DENND1B: variants seen among roughly 807,000 people sequenced by gnomAD.
DENND1B encodes DENN domain-containing protein 1B.
DENND1B carries 59 observed loss-of-function variants against 90.1 expected under a neutral mutation model. The observed-to-expected ratio is 0.65, with a 90% confidence interval of 0.53 to 0.81. The LOEUF is 0.81. Among genes scored for constraint, DENND1B ranks in the 40% least tolerant of loss-of-function variants. DENND1B has a pLI of 0.00. For missense variants in DENND1B, 862 were observed against 912.6 expected, an observed-to-expected ratio of 0.94 and a Z score of 0.71; for synonymous variants, 337 against 324.6, an observed-to-expected ratio of 1.04 and a Z score of -0.41.
intron 10 of DENND1B, among the ~76,000 whole-genome samples, chr1:197,630,323 T>A (rs1679214609): frequency 6.6e-6 from 1 of 152,084 alleles, no homozygotes; most frequent in South Asian, 2.1e-4. Context: ...GCAGATTCAG[T>A]GCCTGGTAAA....
rs7523384 is a variant in DENND1B, at chr1:197,642,795, G to A, written c.588C>T (p.Ala196=). The change falls in exon 10 of 23, where the codon GCC becomes GCT. Residue 196 remains alanine (A), a synonymous_variant. Transcript: ENST00000620048. The stretch of plus-strand genomic sequence containing the variant: ...GCTGCAGCATGTTGTTCACATCCAC[G>A]GCAACAAAATATTCTGTAAGATTTC... ...ESRNLTEYFV[A]VDVNNMLQLY... is the part of the protein sequence containing the mutation. The A allele has an allele frequency of 2.4e-3, 3,871 of 1,612,784 alleles. 15 individuals carry two copies. Among genetic ancestry groups the A allele is most frequent in the Non-Finnish European group, 2.9e-3 (3,467 of 1,179,370 alleles).
chr1:197,655,091 T>C (rs1048493986), intron 6 of DENND1B, among the ~76,000 whole-genome samples: 7 of 152,226 alleles, frequency 4.6e-5, no homozygotes, highest in African/African-American at 1.4e-4. Flanking sequence ...GCTTTTCCTA[T>C]GGAAAAATTT....
chr1:197,685,542 C>T (rs758447123), intron 3 of DENND1B: 4 of 152,010 alleles, frequency 2.6e-5, no homozygotes, highest in Non-Finnish European at 5.9e-5. Flanking sequence ...CTAGGAGATC[C>T]TAATTATGTT....
intron 2 of DENND1B, among the ~76,000 whole-genome samples, chr1:197,751,593 C>T (rs1232543243): frequency 6.6e-6 from 1 of 152,100 alleles, no homozygotes; most frequent in African/African-American, 2.4e-5. Flanking sequence ...CCTGTAAGCC[C>T]AGCACTTTGG....
intron 1 of DENND1B, chr1:197,774,534 A>G (rs1657022760): frequency 6.6e-6 from 1 of 152,236 alleles, no homozygotes; most frequent in South Asian, 2.1e-4. Flanking sequence ...TAGCACACAC[A>G]TAAAAGTACC....
chr1:197,746,557 T>C (rs1309747856), intron 2 of DENND1B, among the ~76,000 whole-genome samples: 1 of 152,214 alleles, frequency 6.6e-6, no homozygotes, highest in Admixed American at 6.5e-5. Flanking sequence ...ATGAGAATGC[T>C]TCATTTTATT....
At chr1:197,621,403 A>G (rs1678148620) in intron 10 of DENND1B, among the ~76,000 whole-genome samples, 1 of 151,380 alleles carries the variant, frequency 6.6e-6, no homozygotes, top group South Asian at 2.1e-4. Context: ...ATCATAATAA[A>G]CTATTTACCT....
chr1:197,692,838 T>A (rs1658047636), intron 3 of DENND1B, among the ~76,000 whole-genome samples: 1 of 151,704 alleles, frequency 6.6e-6, no homozygotes, highest in Non-Finnish European at 1.5e-5. Context: ...GAGATTCTTT[T>A]CTTTCCCTAA....
chr1:197,643,902 C>T (rs1680502859), intron 9 of DENND1B, among the ~76,000 whole-genome samples: 1 of 152,140 alleles, frequency 6.6e-6, no homozygotes, highest in Non-Finnish European at 1.5e-5. Context: ...TTAAGGGATT[C>T]AACAAGATAT....
rs1667691586 is a variant in DENND1B, at chr1:197,505,557, C to T, written c.*4903G>A. ...GATATAAAGCATTCTGTTAACATTGCTCTTCAGTACCTTGCTTTATTATTA... is the reference window on the plus strand; with the variant it reads ...GATATAAAGCATTCTGTTAACATTGTTCTTCAGTACCTTGCTTTATTATTA... On this transcript the variant is annotated 3_prime_UTR_variant, in exon 23 of 23. Coordinates refer to ENST00000620048, the MANE Select transcript of DENND1B (RefSeq NM_001195215.2). 2 of 151,250 alleles carry T rather than the reference C, an allele frequency of 1.3e-5. No homozygotes were observed. Among genetic ancestry groups the T allele is most frequent in the African/African-American group, 4.8e-5 (2 of 41,260 alleles). The allele number at this position is 151,250 out of a possible 1,614,324, so 9.4% of individuals were successfully genotyped here.
chr1:197,739,931 T>C (rs1663058552), intron 2 of DENND1B, among the ~76,000 whole-genome samples: 1 of 152,216 alleles, frequency 6.6e-6, no homozygotes, highest in Non-Finnish European at 1.5e-5. Flanking sequence ...GAATATGTAA[T>C]GTGCTAAGAT....
chr1:197,555,837 A>G (rs1671668604), intron 15 of DENND1B, among the ~76,000 whole-genome samples: 1 of 152,158 alleles, frequency 6.6e-6, no homozygotes. Flanking sequence ...CATTCGATCC[A>G]GCAATCCCCA....
At chr1:197,562,939 G>A (rs1200052462) in intron 15 of DENND1B, among the ~76,000 whole-genome samples, 1 of 151,884 alleles carries the variant, frequency 6.6e-6, no homozygotes. Flanking sequence ...AAAGTCAAAC[G>A]AGCCATGACA....
chr1:197,773,490 A>G (rs375986612), intron 1 of DENND1B, among the ~76,000 whole-genome samples: 16 of 152,334 alleles, frequency 1.1e-4, no homozygotes, highest in African/African-American at 3.8e-4. Flanking sequence ...CGTTGCATAT[A>G]CTTTTCTTAA....
At chr1:197,580,696 A>G (rs1674156578) in intron 15 of DENND1B, among the ~76,000 whole-genome samples, 1 of 152,090 alleles carries the variant, frequency 6.6e-6, no homozygotes, top group Non-Finnish European at 1.5e-5. Flanking sequence ...ACCCAGCACT[A>G]ATGCTTTGGA....
At chr1:197,543,441 T>TA (rs1238647066) in intron 18 of DENND1B, among the ~76,000 whole-genome samples, 4 of 151,994 alleles carry the variant, frequency 2.6e-5, no homozygotes, top group South Asian at 2.1e-4. Context: ...TCTCTAAGCC[T>TA]AAAAAAAACC....
At chr1:197,623,386 A>G (rs1184471516) in intron 10 of DENND1B, among the ~76,000 whole-genome samples, 2 of 151,424 alleles carry the variant, frequency 1.3e-5, no homozygotes, top group African/African-American at 4.8e-5. Flanking sequence ...AAACACATTT[A>G]ATTTATATTC....
At chr1:197,666,542 C>A in intron 5 of DENND1B, among the ~76,000 whole-genome samples, 1 of 152,118 alleles carries the variant, frequency 6.6e-6, no homozygotes, top group East Asian at 1.9e-4. Flanking sequence ...CTATGTCTTG[C>A]TTATGCAAGG....
At chr1:197,618,484 C>T (rs774552238) in intron 10 of DENND1B, among the ~76,000 whole-genome samples, 2 of 151,192 alleles carry the variant, frequency 1.3e-5, no homozygotes, top group Non-Finnish European at 3.0e-5. Context: ...TACACTGTTG[C>T]TATTTTAAAG....
Sources: gnomAD v4.1 joint callset for allele counts (sites outside exome capture counted in the v4.1 genomes callset) on GRCh38, gnomAD v4.1.1 for gene constraint, MANE v1.5 for transcripts, NCBI Gene and HGNC (gene_info 2026-07-23, HGNC 2026-07-21) for gene names.